Variants in TMEM132D observed in about 807,000 individuals in gnomAD.
The protein encoded by TMEM132D is transmembrane protein 132D, also known as mature OL transmembrane protein.
TMEM132D carries 21 observed loss-of-function variants against 62.3 expected under a neutral mutation model. That is an observed-to-expected ratio of 0.34 (90% CI 0.24 to 0.49). TMEM132D has a LOEUF of 0.49. TMEM132D is among the 20% of genes least tolerant of loss of function. The pLI is 0.99. For missense variants in TMEM132D, 1,346 were observed against 1,402.8 expected (o/e 0.96, Z 0.65); for synonymous variants, 621 against 575.6 (o/e 1.08, Z -1.13).
chr12:129,711,510 G>A (rs1881643747), intron 1 of TMEM132D, among the ~76,000 whole-genome samples: 1 of 152,072 alleles, frequency 6.6e-6, no homozygotes, highest in Non-Finnish European at 1.5e-5. Context: ...TGGATCACCT[G>A]AGGTCAGGTG....
chr12:129,407,648 T>G (rs1416361483), intron 3 of TMEM132D, among the ~76,000 whole-genome samples: 1 of 152,130 alleles, frequency 6.6e-6, no homozygotes, highest in Non-Finnish European at 1.5e-5. Context: ...GGCTCACACC[T>G]GTAATCCCAG....
intron 2 of TMEM132D, among the ~76,000 whole-genome samples, chr12:129,614,366 C>T (rs1443905820): frequency 6.6e-6 from 1 of 152,212 alleles, no homozygotes; most frequent in Non-Finnish European, 1.5e-5. Flanking sequence ...GGGACTGATG[C>T]CCTGCTGCAA....
At chr12:129,394,226 T>A (rs997684705) in intron 3 of TMEM132D, among the ~76,000 whole-genome samples, 1 of 152,150 alleles carries the variant, frequency 6.6e-6, no homozygotes, top group Non-Finnish European at 1.5e-5. Flanking sequence ...TTACTGTCAA[T>A]TACAGTTTCT....
chr12:129,519,537 T>G (rs1025622402), intron 3 of TMEM132D, among the ~76,000 whole-genome samples: 1 of 152,084 alleles, frequency 6.6e-6, no homozygotes, highest in Non-Finnish European at 1.5e-5. Flanking sequence ...TTAAAAACAT[T>G]ATTCTGAGGA....
intron 2 of TMEM132D, among the ~76,000 whole-genome samples, chr12:129,550,131 G>T (rs186905365): frequency 6.6e-6 from 1 of 152,320 alleles, no homozygotes; most frequent in African/African-American, 2.4e-5. Context: ...AAGATTAATA[G>T]AGTAGAACAG....
At position 129,071,775 on chromosome 12, in the gene TMEM132D, T is replaced by A. The variant is rs1874073667; in HGVS notation, c.*2100A>T. The A allele has an allele frequency of 6.6e-6, 1 of 152,220 alleles. No individual in the cohort carries two copies. Among genetic ancestry groups the A allele is most frequent in the Non-Finnish European group, 1.5e-5 (1 of 68,040 alleles). 9.4% of individuals were successfully genotyped at this position (152,220 alleles called of 1,614,324 possible). A position where few individuals can be genotyped will look rare whatever the true frequency, so the allele number is the denominator to read the frequency against. ...TACAGTCAGTAAGTTTATAAATATA[T>A]ATTACATTCTTACAATCTACAGTAC... On this transcript the variant is annotated 3_prime_UTR_variant, in exon 9 of 9. Coordinates refer to ENST00000422113, the MANE Select transcript of TMEM132D (RefSeq NM_133448.3).
intron 5 of TMEM132D, among the ~76,000 whole-genome samples, chr12:129,175,547 A>G (rs1593285882): frequency 6.6e-6 from 1 of 152,370 alleles, no homozygotes; most frequent in Middle Eastern, 3.4e-3. Flanking sequence ...TACTAAAAAC[A>G]CACAAACAAA....
intron 3 of TMEM132D, among the ~76,000 whole-genome samples, chr12:129,528,100 C>T (rs578253834): frequency 4.4e-4 from 67 of 152,256 alleles, no homozygotes; most frequent in Admixed American, 4.4e-3. Context: ...CAGATTCTGA[C>T]TTTTAAGAAT....
intron 2 of TMEM132D, among the ~76,000 whole-genome samples, chr12:129,651,029 T>A (rs1439633444): frequency 6.6e-6 from 1 of 152,208 alleles, no homozygotes; most frequent in African/African-American, 2.4e-5. Flanking sequence ...GTTATAAGCA[T>A]CTGACTGTGG....
chr12:129,638,211 T>C lies in TMEM132D; in HGVS notation c.968+61599A>G, dbSNP rs1593100120. Among the ~76,000 whole-genome samples, 3 of 152,296 alleles carry C rather than the reference T, an allele frequency of 2.0e-5. No homozygotes were observed. In the South Asian group the frequency reaches 6.2e-4, roughly 32 times the overall value. ...TGGAGCCATGTGTCCTTACCCGTTT[T>C]ATTAATTTGGTCTGTTTGGTCTGTT... On this transcript the variant is annotated intron_variant, in intron 2 of 8. Transcript: ENST00000422113.
At chr12:129,207,206 C>T (rs530177692) in intron 5 of TMEM132D, among the ~76,000 whole-genome samples, 5 of 151,966 alleles carry the variant, frequency 3.3e-5, no homozygotes, top group Non-Finnish European at 7.4e-5. Flanking sequence ...CAAACAGCAC[C>T]GCCCTCACGG....
intron 1 of TMEM132D, among the ~76,000 whole-genome samples, chr12:129,786,983 C>A (rs540633976): frequency 2.0e-5 from 3 of 151,424 alleles, no homozygotes; most frequent in Admixed American, 2.0e-4. Flanking sequence ...CGGAATGTGA[C>A]GGGCAAGTTG....
chr12:129,439,965 G>A (rs747175232), intron 3 of TMEM132D, among the ~76,000 whole-genome samples: 3 of 152,108 alleles, frequency 2.0e-5, no homozygotes, highest in African/African-American at 7.2e-5. Context: ...TCTGTTTTCC[G>A]TGTTCCCCAA....
At chr12:129,860,914 A>G (rs1187392520) in intron 1 of TMEM132D, among the ~76,000 whole-genome samples, 1 of 152,178 alleles carries the variant, frequency 6.6e-6, no homozygotes, top group Admixed American at 6.5e-5. Context: ...AACTGCCTCC[A>G]TGATTCAATT....
At position 129,770,213 on chromosome 12, in the gene TMEM132D, G is replaced by A. The variant is rs570451100; in HGVS notation, c.80-69515C>T. ...GGCTGGAGTGCAGTGGCACAATCTCGGCTCACTGCAACCTCTGACTCCTGG... is the reference window on the plus strand; with the variant it reads ...GGCTGGAGTGCAGTGGCACAATCTCAGCTCACTGCAACCTCTGACTCCTGG... On this transcript the variant is annotated intron_variant, in intron 1 of 8. Transcript: ENST00000422113. Among the ~76,000 whole-genome samples the A allele has an allele frequency of 6.2e-5, 8 of 128,664 alleles. No homozygotes were observed. In the East Asian group the frequency reaches 9.9e-4, roughly 16 times the overall value. 84.4% of individuals were successfully genotyped at this position (128,664 alleles called of 152,430 possible).
chr12:129,110,782 G>A (rs7298269), intron 5 of TMEM132D: 24,070 of 152,288 alleles, frequency 0.16, 3,570 homozygotes, highest in African/African-American at 0.38. Flanking sequence ...CGGAGTCACC[G>A]GGCGCTGGCT....
At position 129,531,987 on chromosome 12, in the gene TMEM132D, C is replaced by T. The variant is rs186115618; in HGVS notation, c.969-782G>A. Among the ~76,000 whole-genome samples, 554 of 152,044 alleles carry T rather than the reference C, an allele frequency of 3.6e-3. 3 individuals are homozygous for T. Among genetic ancestry groups the T allele is most frequent in the Non-Finnish European group, 6.6e-3 (446 of 67,982 alleles). ...GGGAGGATCACTTGAACCTGGGAGG[C>T]GGAGGCTGCAGTGAGCTGAGATCGA... On this transcript the variant is annotated intron_variant, in intron 2 of 8. Transcript: ENST00000422113.
At chr12:129,340,241 G>C (rs945460894) in intron 3 of TMEM132D, among the ~76,000 whole-genome samples, 6 of 152,040 alleles carry the variant, frequency 3.9e-5, no homozygotes, top group Admixed American at 6.5e-5. Context: ...AAAGCAACAA[G>C]GTCTTTTTTC....
intron 2 of TMEM132D, among the ~76,000 whole-genome samples, chr12:129,602,693 C>T (rs1013308821): frequency 6.6e-6 from 1 of 152,146 alleles, no homozygotes; most frequent in African/African-American, 2.4e-5. Flanking sequence ...TCTCATACAT[C>T]CCCTTCCCCA....
Sources: gnomAD v4.1 joint callset for allele counts (sites outside exome capture counted in the v4.1 genomes callset) on GRCh38, gnomAD v4.1.1 for gene constraint, MANE v1.5 for transcripts, NCBI Gene and HGNC (gene_info 2026-07-23, HGNC 2026-07-21) for gene names.